The following VPS54 variants were observed in gnomAD, a reference collection of about 807,000 sequenced individuals.
VPS54 encodes vacuolar protein sorting-associated protein 54.
VPS54 carries 45 observed loss-of-function variants against 121.5 expected under a neutral mutation model. The observed-to-expected ratio is 0.37, with a 90% CI of 0.29 to 0.47. The LOEUF (loss-of-function observed/expected upper bound fraction) is 0.47, where lower values mean the gene tolerates loss of function less well. Ranked by LOEUF, VPS54 falls within the 20% of genes least tolerant of loss-of-function variation. The pLI, the probability that VPS54 is intolerant of heterozygous loss-of-function variation, is 0.99. For synonymous variants in VPS54, 371 were observed against 385.8 expected (o/e 0.96, Z 0.45); for missense variants, 1,090 against 1,131.4 (o/e 0.96, Z 0.52).
chr2:63,926,292 CAG>C (rs1673897892), intron 12 of VPS54, among the ~76,000 whole-genome samples: 1 of 152,182 alleles, frequency 6.6e-6, no homozygotes, highest in African/African-American at 2.4e-5. Context: ...GTTTAAGCTA[CAG>C]AGTTTTTACA....
intron 7 of VPS54, among the ~76,000 whole-genome samples, chr2:63,950,153 T>C (rs928684284): frequency 6.6e-6 from 1 of 152,216 alleles, no homozygotes; most frequent in Non-Finnish European, 1.5e-5. Context: ...ATTTCCTTGA[T>C]TGTCTCACAG....
At chr2:63,910,829 TAA>T (rs1280840074) in intron 20 of VPS54, among the ~76,000 whole-genome samples, 2 of 152,220 alleles carry the variant, frequency 1.3e-5, no homozygotes, top group East Asian at 3.8e-4. Flanking sequence ...AGTGACAGAC[TAA>T]AGTCAGAGTT....
intron 7 of VPS54, among the ~76,000 whole-genome samples, chr2:63,954,959 C>G (rs1225799548): frequency 6.6e-6 from 1 of 151,936 alleles, no homozygotes; most frequent in Non-Finnish European, 1.5e-5. Flanking sequence ...TATTTGGACC[C>G]TGATTACAAT....
intron 1 of VPS54, among the ~76,000 whole-genome samples, chr2:63,996,307 A>C (rs1006633346): frequency 7.2e-5 from 11 of 152,148 alleles, no homozygotes; most frequent in Non-Finnish European, 1.6e-4. Context: ...TTTCATGGAC[A>C]TTTATCACTT....
intron 4 of VPS54, among the ~76,000 whole-genome samples, chr2:63,970,018 C>T (rs965509743): frequency 9.2e-5 from 14 of 151,890 alleles, no homozygotes; most frequent in African/African-American, 3.4e-4. Flanking sequence ...CCAATCCCAA[C>T]TCAGATAAGG....
chr2:64,003,174 AAAAC>A (rs936108866), intron 1 of VPS54, among the ~76,000 whole-genome samples: 4 of 152,196 alleles, frequency 2.6e-5, no homozygotes, highest in African/African-American at 9.7e-5. Flanking sequence ...TCAGTTCGAA[AAAAC>A]AAACAAGCAA....
At chr2:63,966,945 C>A (rs1390818438) in intron 5 of VPS54, among the ~76,000 whole-genome samples, 1 of 152,142 alleles carries the variant, frequency 6.6e-6, no homozygotes, top group East Asian at 1.9e-4. Flanking sequence ...ATCAAAAGGG[C>A]AAATGTGTCG....
intron 1 of VPS54, among the ~76,000 whole-genome samples, chr2:64,012,490 G>C (rs940989221): frequency 7.0e-6 from 1 of 142,642 alleles, no homozygotes; most frequent in African/African-American, 2.6e-5. Context: ...CCCAGATGTA[G>C]TTTTTTCCGT....
At chr2:63,986,455 G>T (rs139004079) in intron 1 of VPS54, among the ~76,000 whole-genome samples, 1 of 152,128 alleles carries the variant, frequency 6.6e-6, no homozygotes, top group African/African-American at 2.4e-5. Context: ...CTTTTCTATG[G>T]CTGAATAGTT....
At chr2:63,945,472 T>A (rs1355492404) in intron 9 of VPS54, among the ~76,000 whole-genome samples, 1 of 152,108 alleles carries the variant, frequency 6.6e-6, no homozygotes, top group Non-Finnish European at 1.5e-5. Context: ...TGATATAATC[T>A]ATACCAAAAA....
chr2:63,944,806 A>G lies in VPS54; in HGVS notation c.1246-151T>C, dbSNP rs1674903835. 4.9e-6 allele frequency: 3 copies of G among 607,648 alleles called. No individual in the cohort carries two copies. The South Asian group carries it at 6.3e-5, about 13-fold the overall frequency. The allele number at this position is 607,648 out of a possible 1,614,324, so 37.6% of individuals were successfully genotyped here. A position where few individuals can be genotyped will look rare whatever the true frequency, so the allele number is the denominator to read the frequency against. ...ATACATGTGGCCAACATAACTGATC[A>G]TTAGAGAAATGCAAATCAAAACCAC... On this transcript the variant is annotated intron_variant, in intron 9 of 22. Transcript: ENST00000272322.
At chr2:63,938,667 G>A (rs1674578290) in intron 11 of VPS54, among the ~76,000 whole-genome samples, 2 of 152,176 alleles carry the variant, frequency 1.3e-5, no homozygotes, top group African/African-American at 4.8e-5. Flanking sequence ...GTTTCACCAT[G>A]TTGGCCCGGC....
chr2:63,917,103 G>A (rs1418878461), intron 15 of VPS54, 140 bp from the exon 16 acceptor site: 2 of 804,454 alleles, frequency 2.5e-6, no homozygotes, highest in Non-Finnish European at 4.0e-6. Flanking sequence ...GAAACTATTT[G>A]GCACACAGTA....
intron 1 of VPS54, among the ~76,000 whole-genome samples, chr2:64,016,093 T>G (rs1678676080): frequency 6.6e-6 from 1 of 152,216 alleles, no homozygotes; most frequent in African/African-American, 2.4e-5. Flanking sequence ...ATCTGGTTGC[T>G]GCCAACTAAT....
intron 7 of VPS54, among the ~76,000 whole-genome samples, chr2:63,956,199 A>G (rs1334192468): frequency 6.6e-6 from 1 of 152,180 alleles, no homozygotes; most frequent in East Asian, 1.9e-4. Flanking sequence ...TACAATGTGG[A>G]TGTTTTCTTA....
intron 1 of VPS54, among the ~76,000 whole-genome samples, chr2:63,986,352 A>T (rs576539959): frequency 1.3e-5 from 2 of 152,100 alleles, no homozygotes; most frequent in Non-Finnish European, 2.9e-5. Context: ...GCTCCCACAA[A>T]TAAGGGAGAA....
chr2:63,938,983 AGTT>A (rs1225741142), intron 11 of VPS54, among the ~76,000 whole-genome samples: 1 of 152,262 alleles, frequency 6.6e-6, no homozygotes, highest in Non-Finnish European at 1.5e-5. Flanking sequence ...CAGATCCTCA[AGTT>A]GTTAACAATT....
chr2:64,005,306 T>C (rs905716829), intron 1 of VPS54, among the ~76,000 whole-genome samples: 1 of 150,656 alleles, frequency 6.6e-6, no homozygotes, highest in African/African-American at 2.5e-5. Flanking sequence ...GGTTTCACCG[T>C]GTTAGCCAAG....
At chr2:63,988,302 GTA>G (rs1677149899) in intron 1 of VPS54, among the ~76,000 whole-genome samples, 1 of 152,128 alleles carries the variant, frequency 6.6e-6, no homozygotes, top group Non-Finnish European at 1.5e-5. Context: ...TTGATATGAT[GTA>G]TCACCTTTGC....
Sources: allele counts gnomAD v4.1 joint callset (sites outside exome capture counted in the v4.1 genomes callset), GRCh38; gene constraint gnomAD v4.1.1; transcripts MANE v1.5; gene names NCBI Gene and HGNC (gene_info 2026-07-23, HGNC 2026-07-21).